The following CKM variants were observed in gnomAD, a reference collection of about 807,000 sequenced individuals.
The protein encoded by CKM is creatine kinase, M-type, also known as creatine kinase M-type.
A neutral mutation model predicts 35.4 loss-of-function variants in CKM; 28 were observed. That is an observed-to-expected ratio of 0.79 (90% confidence interval 0.59 to 1.08). The LOEUF is 1.08. CKM is among the 50% of genes least tolerant of loss of function. The pLI, the probability that CKM is intolerant of heterozygous loss-of-function variation, is 0.00. For missense variants in CKM, 484 were observed against 509.8 expected, an observed-to-expected ratio of 0.95 and a Z score of 0.49; for synonymous variants, 215 against 204.4, an observed-to-expected ratio of 1.05 and a Z score of -0.44.
At chr19:45,309,227 CAAAAAA>C (rs59133395) in intron 5 of CKM, among the ~76,000 whole-genome samples, 1 of 80,762 alleles carries the variant, frequency 1.2e-5, no homozygotes, top group African/African-American at 5.6e-5. Flanking sequence ...GACTCCATCT[CAAAAAA>C]AAAAAAAAAA....
At chr19:45,320,939 C>T (rs1404331893) in intron 1 of CKM, among the ~76,000 whole-genome samples, 1 of 150,124 alleles carries the variant, frequency 6.7e-6, no homozygotes, top group East Asian at 1.9e-4. Flanking sequence ...CTCGCTCTGT[C>T]GCCCAGGCTA....
chr19:45,308,462 T>G lies in CKM; in HGVS notation c.724A>C (p.Lys242Gln). Residue 242 changes from lysine (K) to glutamine (Q), a missense_variant, in exon 6 of 8, where the codon AAG becomes CAG. Coordinates refer to ENST00000221476, the MANE Select transcript of CKM (RefSeq NM_001824.5). Reference sequence around the variant, plus strand: ...AAAACCTCCTTCATGTTGCCCCCCTTCTCCATGGAGATGACCCGGAGGTGA... The same window carrying G: ...AAAACCTCCTTCATGTTGCCCCCCTGCTCCATGGAGATGACCCGGAGGTGA... ...EDHLRVISME[K>Q]GGNMKEVFRR... 1 of 1,614,118 alleles carries G rather than the reference T, an allele frequency of 6.2e-7. No homozygotes were observed. The highest frequency in any genetic ancestry group is 8.5e-7 in the Non-Finnish European group (1 of 1,180,012).
In CKM at chr19:45,317,812, C is replaced by T. The variant is rs768247691; in HGVS notation, c.348+13G>A. 8 of 1,613,828 alleles carry T rather than the reference C, an allele frequency of 5.0e-6. No homozygotes were observed. The highest frequency in any genetic ancestry group is 2.2e-5 in the South Asian group (2 of 91,076). On this transcript the variant is annotated intron_variant, in intron 3 of 7. Transcript: ENST00000221476. ...CTCACCCCTCGGCCCTCCCCTCCTG[C>T]GCAGACACCGACCTTGAGGTTTTCA...
chr19:45,306,509 G>T lies in CKM; in HGVS notation c.*241C>A. The stretch of plus-strand genomic sequence containing the variant: ...CTCCATTAACTAGAGCTCCTGGTTG[G>T]GGTGGAGCTCTGGGAAAAGAAGAGG... On this transcript the variant is annotated 3_prime_UTR_variant, in exon 8 of 8. Transcript: ENST00000221476. The surrounding 1 kb of genome is among the most constrained non-coding windows in gnomAD (Gnocchi z 4.5). 1 of 566,184 alleles carries T rather than the reference G, an allele frequency of 1.8e-6. No individual in the cohort carries two copies. The highest frequency in any genetic ancestry group is 2.1e-5 in the South Asian group (1 of 48,364). The allele number at this position is 566,184 out of a possible 1,614,324, so 35.1% of individuals were successfully genotyped here. A position where few individuals can be genotyped will look rare whatever the true frequency, so the allele number is the denominator to read the frequency against.
intron 6 of CKM, among the ~76,000 whole-genome samples, chr19:45,308,127 C>T (rs1820780971): frequency 6.6e-6 from 1 of 152,020 alleles, no homozygotes; most frequent in African/African-American, 2.4e-5. Flanking sequence ...TCCCAAAGTG[C>T]TGGGATTACA....
intron 2 of CKM, among the ~76,000 whole-genome samples, chr19:45,318,529 G>A (rs549465222): frequency 2.6e-5 from 4 of 152,056 alleles, no homozygotes; most frequent in Admixed American, 1.3e-4. Context: ...CTGGGGGCGG[G>A]GTCAAAGGAG....
chr19:45,316,341 AAAAAT>A (rs1184955421), intron 3 of CKM, among the ~76,000 whole-genome samples: 3 of 150,620 alleles, frequency 2.0e-5, no homozygotes, highest in African/African-American at 7.3e-5. Flanking sequence ...AAAAAAAAAA[AAAAAT>A]AGAGACAGGG....
Position 45,307,444 on chromosome 19 carries a change from G to T in CKM, c.967+17C>A. 1 of 1,612,620 alleles carries T rather than the reference G, an allele frequency of 6.2e-7. No individual in the cohort carries two copies. Among genetic ancestry groups the T allele is most frequent in the East Asian group, 2.2e-5 (1 of 44,868 alleles). On this transcript the variant is annotated intron_variant, in intron 7 of 7. Coordinates refer to ENST00000221476, the MANE Select transcript of CKM (RefSeq NM_001824.5). ...CGCTCCCCCTCCGTCGTGGTGCAAA[G>T]GATGTGGGAGCCGTACCTGTACCCC...
rs201048164 is a variant in CKM at position 45,319,551 on chromosome 19, C to T, written c.163G>A (p.Asp55Asn). ...KETPSGFTVDDVIQTGVDNPG... is the reference protein window; with the variant it reads ...KETPSGFTVDNVIQTGVDNPG... Reference sequence around the variant, plus strand: ...TTGTCCACTCCTGTCTGGATGACATCGTCTACAGTGAAGCCAGATGGAGTC... The same window carrying T: ...TTGTCCACTCCTGTCTGGATGACATTGTCTACAGTGAAGCCAGATGGAGTC... Residue 55 changes from aspartate (D) to asparagine (N), a missense_variant, in exon 2 of 8, where the codon GAT (aspartate) becomes AAT (asparagine). Physicochemically the swap from Asp to Asn is conservative, Grantham distance 23. Transcript: ENST00000221476. The T allele has an allele frequency of 3.0e-5, 48 of 1,613,862 alleles. No homozygotes were observed. Among genetic ancestry groups the T allele is most frequent in the South Asian group, 1.9e-4 (17 of 91,074 alleles).
rs946017319 is a variant in CKM, at chr19:45,311,850, C to A, written c.552G>T (p.Gln184His). 6 of 1,613,862 alleles carry A rather than the reference C, an allele frequency of 3.7e-6. No individual in the cohort carries two copies. The highest frequency in any genetic ancestry group is 5.1e-6 in the Non-Finnish European group (6 of 1,179,938). Residue 184 changes from glutamine (Q) to histidine (H), a missense_variant, in exon 5 of 8, where the codon CAG (glutamine) becomes CAT (histidine). Coordinates refer to ENST00000221476, the MANE Select transcript of CKM (RefSeq NM_001824.5). Reference sequence around the variant, plus strand: ...GGAAGTGGTCATCGATGAGCTGCTGCTGCTCCTTCTCCGTCATGCTCTTCA... The same window carrying A: ...GGAAGTGGTCATCGATGAGCTGCTGATGCTCCTTCTCCGTCATGCTCTTCA... The part of the protein sequence containing the change: ...YPLKSMTEKE[Q>H]QQLIDDHFLF...
In CKM at chr19:45,314,533, T is replaced by C. The variant is rs931475504; in HGVS notation, c.481+932A>G. Reference sequence around the variant, plus strand: ...GGTTCAAGCGATTCTCCTGCCTCAGTCTCCCAAGTCGCTGGGATTACAGGT... The same window carrying C: ...GGTTCAAGCGATTCTCCTGCCTCAGCCTCCCAAGTCGCTGGGATTACAGGT... On this transcript the variant is annotated intron_variant, in intron 4 of 7. Coordinates refer to ENST00000221476, the MANE Select transcript of CKM (RefSeq NM_001824.5). Among the ~76,000 whole-genome samples, 6 of 151,726 alleles carry C rather than the reference T, an allele frequency of 4.0e-5. 1 individual carries two copies. The highest frequency in any genetic ancestry group is 1.5e-4 in the African/African-American group (6 of 41,284).
In CKM at chr19:45,306,997, T is replaced by G; in HGVS notation, c.968-69A>C. The G allele has an allele frequency of 1.3e-6, 2 of 1,537,410 alleles. No homozygotes were observed. The highest frequency in any genetic ancestry group is 2.2e-5 in the South Asian group (2 of 89,576). ...CAGAGGGGCTGGGACGTGGCCCCCG[T>G]GCCAAATGCAACAGCCGCATGTAGT... On this transcript the variant is annotated intron_variant, in intron 7 of 7. Coordinates refer to ENST00000221476, the MANE Select transcript of CKM (RefSeq NM_001824.5). The surrounding 1 kb of genome is among the most constrained non-coding windows in gnomAD (Gnocchi z 4.5).
chr19:45,312,839 A>C (rs930541126), intron 4 of CKM, among the ~76,000 whole-genome samples: 2 of 151,776 alleles, frequency 1.3e-5, no homozygotes, highest in Non-Finnish European at 2.9e-5. Context: ...CTGTAATCCC[A>C]GCTACTCAAG....
rs1971226009 is a variant in CKM, at chr19:45,322,856, C to A, written c.-54G>T. 8 of 986,026 alleles carry A rather than the reference C, an allele frequency of 8.1e-6. No individual in the cohort carries two copies. Among genetic ancestry groups the A allele is most frequent in the Non-Finnish European group, 9.6e-6 (8 of 830,558 alleles). The allele number at this position is 986,026 out of a possible 1,614,324, so 61.1% of individuals were successfully genotyped here. Reference sequence around the variant, plus strand: ...TGGGCTGAAGGGGGGCTGTCTGTATCCTGGAGGTGACACTGACCCAAAGGA... The same window carrying A: ...TGGGCTGAAGGGGGGCTGTCTGTATACTGGAGGTGACACTGACCCAAAGGA... On this transcript the variant is annotated 5_prime_UTR_variant, in exon 1 of 8. Transcript: ENST00000221476.
At chr19:45,320,890 C>CTATTATTATTAT (rs61014137) in intron 1 of CKM, among the ~76,000 whole-genome samples, 10,126 of 146,214 alleles carry the variant, frequency 0.069, 461 homozygotes, top group South Asian at 0.13. Context: ...CACTTAGCTG[C>CTATTATTATTAT]TATTATTATT....
chr19:45,307,942 C>A (rs1172138724), intron 6 of CKM, among the ~76,000 whole-genome samples: 1 of 150,508 alleles, frequency 6.6e-6, no homozygotes, highest in Non-Finnish European at 1.5e-5. Context: ...CGTCTCACTG[C>A]AACCTCTGCC....
At chr19:45,314,109 AG>A (rs953063488) in intron 4 of CKM, among the ~76,000 whole-genome samples, 4 of 144,300 alleles carry the variant, frequency 2.8e-5, no homozygotes, top group African/African-American at 5.1e-5. Context: ...GGAGAAGAAA[AG>A]GGAAGGGAAG....
intron 4 of CKM, among the ~76,000 whole-genome samples, chr19:45,313,212 G>A (rs17875613): frequency 1.3e-5 from 2 of 152,010 alleles, no homozygotes; most frequent in South Asian, 2.1e-4. Flanking sequence ...GTGCCACTTC[G>A]TGTCTCTGTG....
rs1267750089 is a variant in CKM, at chr19:45,315,507, A to C, written c.439T>G (p.Ser147Ala). Residue 147 changes from serine to alanine, a missense_variant, in exon 4 of 8, where the codon TCC becomes GCC. Ser to Ala is a moderately conservative substitution (Grantham distance 99). Transcript: ENST00000221476. ...TCCACCGCCCGGCGCTCGCCACGGGAGCAGTGTGGGGGCAACGTGTAGCCC... is the reference window on the plus strand; with the variant it reads ...TCCACCGCCCGGCGCTCGCCACGGGCGCAGTGTGGGGGCAACGTGTAGCCC... Reference protein sequence around the residue: ...IKGYTLPPHCSRGERRAVEKL... With the variant: ...IKGYTLPPHCARGERRAVEKL... The C allele has an allele frequency of 2.5e-6, 4 of 1,600,318 alleles. No homozygotes were observed. In the African/African-American group the frequency reaches 4.0e-5, roughly 16 times the overall value.
Sources: allele counts gnomAD v4.1 joint callset (sites outside exome capture counted in the v4.1 genomes callset), GRCh38; gene constraint gnomAD v4.1.1; non-coding constraint Gnocchi (gnomAD v3.1); transcripts MANE v1.5; gene names NCBI Gene and HGNC (gene_info 2026-07-23, HGNC 2026-07-21).